The following CDH4 variants were observed in gnomAD, a reference collection of about 807,000 sequenced individuals.
The protein encoded by CDH4 is cadherin 4, also known as cadherin-4.
In CDH4, 33 loss-of-function variants were observed where a neutral mutation model predicts 86.0. The observed-to-expected ratio is 0.38, with a 90% CI of 0.29 to 0.51. The LOEUF is 0.51. Ranked by LOEUF, CDH4 falls within the 20% of genes least tolerant of loss-of-function variation. The pLI is 0.86. For synonymous variants in CDH4, 555 were observed against 549.4 expected, an observed-to-expected ratio of 1.01 and a Z score of -0.14; for missense variants, 1,114 against 1,307.4, an observed-to-expected ratio of 0.85 and a Z score of 2.28.
At position 61,334,749 on chromosome 20, in the gene CDH4, G is replaced by A. The variant is rs535580615; in HGVS notation, c.169+79812G>A. Among the ~76,000 whole-genome samples the A allele has an allele frequency of 2.6e-5, 4 of 152,342 alleles. No individual in the cohort carries two copies. The East Asian group carries it at 5.8e-4, about 22-fold the overall frequency. ...CCACACCTCTGCAGGGCCTCCGTCT[G>A]TAGCCCTCGCCTCCTGGGGTGGAAG... On this transcript the variant is annotated intron_variant, in intron 2 of 15. Coordinates refer to ENST00000614565, the MANE Select transcript of CDH4 (RefSeq NM_001794.5).
At chr20:61,406,572 G>GGACCACCATCTGCTCTGCCCA (rs1470255877) in intron 2 of CDH4, among the ~76,000 whole-genome samples, 1 of 138,334 alleles carries the variant, frequency 7.2e-6, no homozygotes, top group African/African-American at 2.8e-5. Flanking sequence ...TGCTCTGCCT[G>GGACCACCATCTGCTCTGCCCA]GACCACCATC....
At chr20:61,527,729 C>T (rs2085921165) in intron 2 of CDH4, among the ~76,000 whole-genome samples, 1 of 151,786 alleles carries the variant, frequency 6.6e-6, no homozygotes, top group African/African-American at 2.4e-5. Flanking sequence ...CCTGGTGTCC[C>T]CAGTGAGTGA....
Position 61,810,325 on chromosome 20 carries a change from C to T in CDH4, c.577-34343C>T, listed in dbSNP as rs148090185. On this transcript the variant is annotated intron_variant, in intron 4 of 15. Transcript: ENST00000614565. This position sits in a 1 kb window ranked among gnomAD's most constrained non-coding sequence, Gnocchi z 4.3. ...GCGGCTGTGCCAGGCTGTCGTCCCC[C>T]CCATGAGCCTGCTGTGTGTGTCTGT... Among the ~76,000 whole-genome samples, 27 of 152,330 alleles carry T rather than the reference C, an allele frequency of 1.8e-4. No homozygotes were observed. In the East Asian group the frequency reaches 4.1e-3, roughly 23 times the overall value.
chr20:61,298,016 G>A (rs1262535652), intron 2 of CDH4, among the ~76,000 whole-genome samples: 3 of 152,230 alleles, frequency 2.0e-5, no homozygotes, highest in African/African-American at 7.2e-5. Flanking sequence ...GTGTCAAGGA[G>A]GCCCACGCAG....
At position 61,862,624 on chromosome 20, in the gene CDH4, C is replaced by T. The variant is rs1600719880; in HGVS notation, c.877+9726C>T. Among the ~76,000 whole-genome samples the T allele has an allele frequency of 3.3e-5, 5 of 152,198 alleles. No homozygotes were observed. In the South Asian group the frequency reaches 8.3e-4, roughly 25 times the overall value. ...TCACTGACCAGTGACTGTTTTCCAC[C>T]GCTGTCCCCCGCAGCATCAGAGAAC... On this transcript the variant is annotated intron_variant, in intron 6 of 15. Coordinates refer to ENST00000614565, the MANE Select transcript of CDH4 (RefSeq NM_001794.5).
chr20:61,881,966 C>G (rs1984300251), intron 7 of CDH4, among the ~76,000 whole-genome samples: 1 of 152,206 alleles, frequency 6.6e-6, no homozygotes, highest in Admixed American at 6.5e-5. Flanking sequence ...TGCATGGAGA[C>G]CGAGGCAGAG....
At chr20:61,318,114 A>T (rs1367716395) in intron 2 of CDH4, among the ~76,000 whole-genome samples, 2 of 152,170 alleles carry the variant, frequency 1.3e-5, no homozygotes, top group Admixed American at 1.3e-4. Flanking sequence ...GGTGGGACCC[A>T]TGCGCCCCCA....
intron 2 of CDH4, among the ~76,000 whole-genome samples, chr20:61,503,614 A>G (rs75908961): frequency 0.017 from 2,515 of 152,280 alleles, 74 homozygotes; most frequent in African/African-American, 0.057. Context: ...TGTCATAAGG[A>G]CATAGGTCAT....
intron 2 of CDH4, among the ~76,000 whole-genome samples, chr20:61,324,850 C>T (rs1164580512): frequency 6.6e-6 from 1 of 152,160 alleles, no homozygotes; most frequent in African/African-American, 2.4e-5. Context: ...GAGGGTGTGG[C>T]AGGCACTTGA....
intron 2 of CDH4, among the ~76,000 whole-genome samples, chr20:61,389,024 A>T (rs535033132): frequency 6.6e-6 from 1 of 152,264 alleles, no homozygotes; most frequent in African/African-American, 2.4e-5. Flanking sequence ...GTCAAAGGAC[A>T]TATTTTAAAA....
intron 4 of CDH4, among the ~76,000 whole-genome samples, chr20:61,800,511 C>T (rs977884456): frequency 6.6e-6 from 1 of 152,220 alleles, no homozygotes; most frequent in Non-Finnish European, 1.5e-5. Flanking sequence ...CCTCATCGCC[C>T]CCCACAGAAA....
chr20:61,632,198 A>G (rs1179988509), intron 2 of CDH4, among the ~76,000 whole-genome samples: 1 of 152,214 alleles, frequency 6.6e-6, no homozygotes, highest in East Asian at 1.9e-4. Flanking sequence ...GCGGAGAGTG[A>G]AGCGCAGGGC....
chr20:61,464,352 A>G (rs2085461458), intron 2 of CDH4, among the ~76,000 whole-genome samples: 1 of 152,110 alleles, frequency 6.6e-6, no homozygotes, highest in African/African-American at 2.4e-5. Context: ...ATTGAACATA[A>G]AGAGTGAGTG....
At chr20:61,294,418 C>T (rs369601824) in intron 2 of CDH4, among the ~76,000 whole-genome samples, 2 of 152,310 alleles carry the variant, frequency 1.3e-5, no homozygotes, top group South Asian at 2.1e-4. Flanking sequence ...TGAGATCCCC[C>T]CGGGGCAGGG....
rs1015013898 is a variant in CDH4, at chr20:61,518,621, T to G, written c.170-224942T>G. ...TCATCATCCACTCATCCATCCATCC[T>G]TCATCCACCTAACCATTTATCCATC... On this transcript the variant is annotated intron_variant, in intron 2 of 15. Transcript: ENST00000614565. The surrounding 1 kb of genome is among the most constrained non-coding windows in gnomAD (Gnocchi z 6.3). Among the ~76,000 whole-genome samples the G allele has an allele frequency of 1.3e-5, 2 of 151,824 alleles. No homozygotes were observed. Among genetic ancestry groups the G allele is most frequent in the African/African-American group, 2.4e-5 (1 of 41,312 alleles).
chr20:61,839,839 T>C (rs1021728526), intron 4 of CDH4, among the ~76,000 whole-genome samples: 4 of 151,666 alleles, frequency 2.6e-5, no homozygotes, highest in Admixed American at 6.6e-5. Context: ...TGTGTGTAGG[T>C]ATGCGTATGT....
intron 2 of CDH4, among the ~76,000 whole-genome samples, chr20:61,279,572 G>A (rs1342293836): frequency 3.3e-5 from 5 of 152,154 alleles, no homozygotes; most frequent in Non-Finnish European, 7.4e-5. Context: ...TGCATCCTCT[G>A]TCTAGAGCAG....
intron 6 of CDH4, among the ~76,000 whole-genome samples, chr20:61,864,621 G>A (rs1428485279): frequency 6.6e-6 from 1 of 152,180 alleles, no homozygotes; most frequent in African/African-American, 2.4e-5. Context: ...CAGAGGCACC[G>A]CAGCTCCCTC....
chr20:61,858,111 GTGTGTC>G (rs1983122359), intron 6 of CDH4, among the ~76,000 whole-genome samples: 1 of 151,562 alleles, frequency 6.6e-6, no homozygotes, highest in South Asian at 2.1e-4. Flanking sequence ...CTCTGTTTCT[GTGTGTC>G]TGTGTCTGGG....
Sources: gnomAD v4.1 joint callset for allele counts (sites outside exome capture counted in the v4.1 genomes callset) on GRCh38, gnomAD v4.1.1 for gene constraint, Gnocchi (gnomAD v3.1) non-coding constraint, MANE v1.5 for transcripts, NCBI Gene and HGNC (gene_info 2026-07-23, HGNC 2026-07-21) for gene names.